Variants in SASH1 observed in about 807,000 individuals in gnomAD.
The protein encoded by SASH1 is SAM and SH3 domain-containing protein 1.
Under a neutral mutation model 125.2 loss-of-function variants are expected in SASH1, and 44 were observed. The ratio of observed to expected loss-of-function variants is 0.35; its 90% confidence interval spans 0.28 to 0.45. The LOEUF is 0.45. SASH1 is among the 20% of genes least tolerant of loss of function. SASH1 has a pLI of 1.00. For synonymous variants in SASH1, 639 were observed against 649.1 expected (o/e 0.98, Z 0.24); for missense variants, 1,426 against 1,614.5 (o/e 0.88, Z 2.00).
rs71004288 is a variant in SASH1, at chr6:148,334,973, C to CA, written n.75-55145dup. On this transcript the variant is annotated intron_variant and non_coding_transcript_variant, in intron 1 of 3. Coordinates refer to the SASH1 transcript ENST00000367469. ...TGGGCAACAGAGTGAGACTCCATCT[C>CA]AAAAAAAAAAAAAAAAGAAAAGAAA... Among the ~76,000 whole-genome samples the CA allele has an allele frequency of 5.6e-4, 64 of 115,274 alleles. 1 individual carries two copies. The highest frequency in any genetic ancestry group is 2.2e-3 in the South Asian group (8 of 3,566). The allele number at this position is 115,274 out of a possible 152,430, so 75.6% of individuals were successfully genotyped here.
At chr6:148,338,104 T>C (rs140991466), upstream of SASH1, among the ~76,000 whole-genome samples, 1,164 of 138,436 alleles carry the variant, frequency 8.4e-3, 13 homozygotes, top group African/African-American at 0.028. Context: ...AAATGGAGTA[T>C]GATACAGATG....
intron 4 of SASH1, among the ~76,000 whole-genome samples, chr6:148,468,137 C>A (rs1455383755): frequency 1.3e-5 from 2 of 152,190 alleles, no homozygotes; most frequent in Non-Finnish European, 2.9e-5. Flanking sequence ...CCACTGTACT[C>A]ATCTGTGGGC....
intron 1 of SASH1, among the ~76,000 whole-genome samples, chr6:148,376,822 T>G (rs561915421): frequency 6.5e-4 from 98 of 151,886 alleles, no homozygotes; most frequent in Non-Finnish European, 1.0e-3. Context: ...GAACGGTGGT[T>G]GCAGCACTGC....
chr6:148,296,266 C>G (rs753738957), intron 1 of SASH1, among the ~76,000 whole-genome samples: 8 of 152,064 alleles, frequency 5.3e-5, no homozygotes, highest in Non-Finnish European at 1.2e-4. Flanking sequence ...GCTGGGATTA[C>G]AGGAGCATGC....
chr6:148,531,640 C>CT lies in SASH1; in HGVS notation c.1544dup (p.Ser516GlnfsTer15). On this transcript the variant is annotated frameshift_variant, in exon 13 of 20. Coordinates refer to ENST00000367467, the MANE Select transcript of SASH1 (RefSeq NM_015278.5). LOFTEE classifies it high-confidence loss of function. ...TTCTGTAGAAAGTCTTCGCAGTTCT[C>CT]TCAGTGGGCAGAGCTCCATGAGTAA... 6.4e-7 allele frequency: 1 copy of CT among 1,553,472 alleles called. No individual in the cohort carries two copies.
chr6:148,476,941 G>A (rs1038807249), intron 7 of SASH1, among the ~76,000 whole-genome samples: 23 of 152,112 alleles, frequency 1.5e-4, no homozygotes, highest in Non-Finnish European at 2.9e-4. Flanking sequence ...TTTCAACAAA[G>A]GTGCCAAGAA....
Position 148,282,627 on chromosome 6 carries a change from G to A in SASH1, n.74+10250G>A, listed in dbSNP as rs141053813. ...GAACTCCTGACCTTGTGATCCCCCC[G>A]CCTCAGCCTCCCAAAGTCCTGGGGT... On this transcript the variant is annotated intron_variant and non_coding_transcript_variant, in intron 1 of 3. Coordinates refer to the SASH1 transcript ENST00000367469. 6.5e-3 allele frequency among the ~76,000 whole-genome samples: 995 copies of A among 152,024 alleles called. 9 individuals carry two copies. Among genetic ancestry groups the A allele is most frequent in the African/African-American group, 0.022 (922 of 41,484 alleles).
intron 2 of SASH1, among the ~76,000 whole-genome samples, chr6:148,396,420 T>C (rs1783951963): frequency 7.7e-6 from 1 of 129,470 alleles, no homozygotes; most frequent in African/African-American, 3.0e-5. Context: ...GAGGTTGCAG[T>C]GAGCCAAGAT....
At chr6:148,466,426 A>G (rs1338811318) in intron 4 of SASH1, among the ~76,000 whole-genome samples, 2 of 152,208 alleles carry the variant, frequency 1.3e-5, no homozygotes, top group East Asian at 3.8e-4. Flanking sequence ...GTGCAGCTAC[A>G]CCAAAGGGTG....
the SASH1 span, among the ~76,000 whole-genome samples, chr6:148,245,973 A>T: frequency 1.3e-5 from 2 of 150,998 alleles, no homozygotes; most frequent in African/African-American, 4.9e-5. Flanking sequence ...ACAGAACCAG[A>T]CTCCGTCTAA....
At chr6:148,338,160 C>T (rs928418813), upstream of SASH1, among the ~76,000 whole-genome samples, 4 of 147,074 alleles carry the variant, frequency 2.7e-5, no homozygotes, top group South Asian at 2.2e-4. Flanking sequence ...CAGTGGCTCA[C>T]GCCTGTAATC....
chr6:148,544,117 G>A lies in SASH1; in HGVS notation c.2647G>A (p.Glu883Lys). 1 of 1,614,044 alleles carries A rather than the reference G, an allele frequency of 6.2e-7. No individual in the cohort carries two copies. The change falls in exon 18 of 20, where the codon GAG (glutamate) becomes AAG (lysine). Residue 883 changes from glutamate (E) to lysine (K), a missense_variant. This residue lies in a region of SASH1 where 634 missense variants were observed against 694.4 expected (regional missense o/e 0.91). Coordinates refer to ENST00000367467, the MANE Select transcript of SASH1 (RefSeq NM_015278.5). The surrounding 1 kb of genome is among the most constrained non-coding windows in gnomAD (Gnocchi z 6.4). ...TASSTKAQPL[E>K]QDSAVDNALL... The stretch of plus-strand genomic sequence containing the variant: ...CTCTTCCACGAAGGCCCAGCCCCTG[G>A]AGCAAGACTCTGCTGTCGACAATGC...
At chr6:148,263,251 G>A in the SASH1 span, among the ~76,000 whole-genome samples, 1 of 152,196 alleles carries the variant, frequency 6.6e-6, no homozygotes. Context: ...CAAGTTTCAT[G>A]TTCTTGAGAA....
the SASH1 span, among the ~76,000 whole-genome samples, chr6:148,220,590 A>G: frequency 6.6e-6 from 1 of 152,312 alleles, no homozygotes; most frequent in Admixed American, 6.5e-5. Flanking sequence ...GGGGAAAACA[A>G]GAGTAAATGG....
At chr6:148,395,311 A>G (rs750025267) in intron 2 of SASH1, among the ~76,000 whole-genome samples, 3 of 152,260 alleles carry the variant, frequency 2.0e-5, no homozygotes, top group Non-Finnish European at 4.4e-5. Context: ...TTATGTATCA[A>G]CTGGAGAACA....
At chr6:148,270,720 A>G (rs889831824), upstream of SASH1, among the ~76,000 whole-genome samples, 14 of 152,164 alleles carry the variant, frequency 9.2e-5, no homozygotes, top group Non-Finnish European at 1.0e-4. Flanking sequence ...CTGTTTTACC[A>G]GTTCTTGGTT....
the SASH1 span, among the ~76,000 whole-genome samples, chr6:148,230,627 G>A: frequency 6.6e-6 from 1 of 152,082 alleles, no homozygotes; most frequent in African/African-American, 2.4e-5. Context: ...CCTCACCAGC[G>A]CTATGTAAAC....
intron 4 of SASH1, among the ~76,000 whole-genome samples, chr6:148,448,938 C>T (rs1776941038): frequency 6.6e-6 from 1 of 152,084 alleles, no homozygotes; most frequent in Admixed American, 6.6e-5. Context: ...TGCTGTCCTG[C>T]TTTTTTTCCT....
chr6:148,257,863 C>A, the SASH1 span, among the ~76,000 whole-genome samples: 5 of 152,058 alleles, frequency 3.3e-5, no homozygotes, highest in African/African-American at 1.2e-4. Context: ...TCTCTTGACC[C>A]TGTGATCCGC....
Sources: gnomAD v4.1 joint callset for allele counts (sites outside exome capture counted in the v4.1 genomes callset) on GRCh38, gnomAD v4.1.1 for gene constraint, gnomAD v4.1.1 regional missense constraint, Gnocchi (gnomAD v3.1) non-coding constraint, MANE v1.5 for transcripts, NCBI Gene and HGNC (gene_info 2026-07-23, HGNC 2026-07-21) for gene names.